PDZD2: variants seen among roughly 807,000 people sequenced by gnomAD.
PDZD2 encodes PDZ domain containing 2, also known as PDZ domain-containing protein 2.
PDZD2 carries 90 observed loss-of-function variants against 220.7 expected under a neutral mutation model. The observed-to-expected ratio is 0.41, with a 90% CI of 0.34 to 0.49. The LOEUF is 0.49. PDZD2 is among the 20% of genes least tolerant of loss of function. PDZD2 has a pLI of 0.28. For synonymous variants in PDZD2, 1,375 were observed against 1,450.5 expected (o/e 0.95, Z 1.18); for missense variants, 3,174 against 3,608.5 (o/e 0.88, Z 3.08).
intron 7 of PDZD2, among the ~76,000 whole-genome samples, chr5:32,041,261 C>T (rs1490323690): frequency 2.0e-5 from 3 of 149,950 alleles, no homozygotes; most frequent in African/African-American, 7.4e-5. Flanking sequence ...GCGAGGAGCG[C>T]CTCTGCCTGG....
chr5:32,038,601 C>T (rs1188855788), intron 7 of PDZD2, among the ~76,000 whole-genome samples: 4 of 151,428 alleles, frequency 2.6e-5, no homozygotes, highest in South Asian at 2.1e-4. Flanking sequence ...ATTACTATTA[C>T]GTTTATTTTT....
chr5:31,931,765 A>G lies in PDZD2; in HGVS notation c.477-51390A>G, dbSNP rs76294850. Among the ~76,000 whole-genome samples, 31 of 152,232 alleles carry G rather than the reference A, an allele frequency of 2.0e-4. No individual in the cohort carries two copies. In the East Asian group the frequency reaches 5.4e-3, roughly 27 times the overall value. On this transcript the variant is annotated intron_variant, in intron 2 of 24. Coordinates refer to ENST00000438447, the MANE Select transcript of PDZD2 (RefSeq NM_178140.4). ...TTATGGCTCATGGGACAGATTTGAC[A>G]GCTAAGAAACAGATCTGTATACAAT...
Position 32,000,586 on chromosome 5 carries a change from C to T in PDZD2, c.1254+315C>T, listed in dbSNP as rs1413813956. On this transcript the variant is annotated intron_variant, in intron 5 of 24. Coordinates refer to ENST00000438447, the MANE Select transcript of PDZD2 (RefSeq NM_178140.4). The surrounding 1 kb of genome is among the most constrained non-coding windows in gnomAD (Gnocchi z 4.5). Reference sequence around the variant, plus strand: ...AGTGCAATGGCGCAATCTCGGCTCACCGCAACCTCCACCTTCCGGATTCAA... The same window carrying T: ...AGTGCAATGGCGCAATCTCGGCTCATCGCAACCTCCACCTTCCGGATTCAA... Among the ~76,000 whole-genome samples, 1 of 152,162 alleles carries T rather than the reference C, an allele frequency of 6.6e-6. No individual in the cohort carries two copies. The highest frequency in any genetic ancestry group is 6.5e-5 in the Admixed American group (1 of 15,268).
At chr5:31,706,624 T>A (rs914318249) in intron 1 of PDZD2, among the ~76,000 whole-genome samples, 1 of 152,038 alleles carries the variant, frequency 6.6e-6, no homozygotes, top group African/African-American at 2.4e-5. Context: ...GGCAGGTGGA[T>A]CATGAGGTCA....
chr5:31,791,822 A>G (rs1753748309), intron 1 of PDZD2, among the ~76,000 whole-genome samples: 1 of 152,144 alleles, frequency 6.6e-6, no homozygotes, highest in Non-Finnish European at 1.5e-5. Context: ...CCTCCTGCTC[A>G]TCCAATTCCA....
intron 2 of PDZD2, among the ~76,000 whole-genome samples, chr5:31,910,680 C>T (rs1430914863): frequency 6.6e-6 from 1 of 151,410 alleles, no homozygotes; most frequent in African/African-American, 2.4e-5. Context: ...CATGAGCTAC[C>T]ACACCCAGCC....
chr5:31,661,830 A>G (rs914828307), intron 1 of PDZD2, among the ~76,000 whole-genome samples: 6 of 143,054 alleles, frequency 4.2e-5, no homozygotes, highest in African/African-American at 5.1e-5. Context: ...ATTCAGGGGC[A>G]AAAAGGTAAA....
chr5:31,947,317 G>C (rs145593056), intron 2 of PDZD2, among the ~76,000 whole-genome samples: 1 of 152,078 alleles, frequency 6.6e-6, no homozygotes, highest in Non-Finnish European at 1.5e-5. Flanking sequence ...ATGTATGCAG[G>C]GTACAGAAAC....
At chr5:31,939,525 G>A (rs1360767342) in intron 2 of PDZD2, among the ~76,000 whole-genome samples, 1 of 152,164 alleles carries the variant, frequency 6.6e-6, no homozygotes, top group Non-Finnish European at 1.5e-5. Context: ...CAGGCTGGAG[G>A]GTGAGTAACC....
chr5:32,069,596 A>T lies in PDZD2; in HGVS notation c.2479A>T (p.Ile827Leu). 3 of 1,600,232 alleles carry T rather than the reference A, an allele frequency of 1.9e-6. No individual in the cohort carries two copies. The highest frequency in any genetic ancestry group is 2.6e-6 in the Non-Finnish European group (3 of 1,167,238). The change falls in exon 15 of 25, where the codon ATA (isoleucine) becomes TTA (leucine). Residue 827 changes from isoleucine (I) to leucine (L), a missense_variant. Physicochemically the swap from Ile to Leu is conservative, Grantham distance 5. Coordinates refer to ENST00000438447, the MANE Select transcript of PDZD2 (RefSeq NM_178140.4). Reference sequence around the variant, plus strand: ...TTCCGAGCAGGAAATGGATGAAGTCATAGCACGCAGCACTTATCAGGAGAG... The same window carrying T: ...TTCCGAGCAGGAAATGGATGAAGTCTTAGCACGCAGCACTTATCAGGAGAG... The part of the protein sequence containing the change: ...KVSEQEMDEV[I>L]ARSTYQESKE...
At chr5:31,892,577 G>A (rs542589806) in intron 2 of PDZD2, among the ~76,000 whole-genome samples, 41 of 152,080 alleles carry the variant, frequency 2.7e-4, no homozygotes, top group Admixed American at 1.8e-3. Context: ...CTTTTGTGGC[G>A]GGGGTGGTGT....
intron 1 of PDZD2, among the ~76,000 whole-genome samples, chr5:31,726,741 C>T (rs1448503260): frequency 2.6e-5 from 4 of 152,186 alleles, no homozygotes; most frequent in African/African-American, 9.7e-5. Context: ...GACCTGTACA[C>T]TCCACTGTGT....
At chr5:31,889,605 G>C (rs534429858) in intron 2 of PDZD2, among the ~76,000 whole-genome samples, 24 of 152,306 alleles carry the variant, frequency 1.6e-4, no homozygotes, top group Admixed American at 3.3e-4. Flanking sequence ...TGGGAGCCAA[G>C]GGGGAAAAGC....
At chr5:32,025,591 CTTTT>C (rs70957998) in intron 6 of PDZD2, among the ~76,000 whole-genome samples, 28 of 67,516 alleles carry the variant, frequency 4.1e-4, no homozygotes, top group East Asian at 2.2e-3. Flanking sequence ...AACCATGATG[CTTTT>C]TTTTTTTTTT....
chr5:32,085,771 T>A (rs536828132), intron 19 of PDZD2, among the ~76,000 whole-genome samples: 3 of 152,274 alleles, frequency 2.0e-5, no homozygotes, highest in East Asian at 3.9e-4. Flanking sequence ...TTGTTGTTGT[T>A]TTGTTTTGTC....
Position 31,995,599 on chromosome 5 carries a change from G to A in PDZD2, c.1002G>A (p.Lys334=). 1 of 1,614,206 alleles carries A rather than the reference G, an allele frequency of 6.2e-7. No individual in the cohort carries two copies. Among genetic ancestry groups the A allele is most frequent in the Non-Finnish European group, 8.5e-7 (1 of 1,180,030 alleles). ...LAREEVGRIW[K]MELLKESDGL... ...AGGAGGAAGTTGGCCGAATATGGAA[G>A]ATGGAGCTGCTCAAAGAATCGGATG... The change falls in exon 4 of 25, where the codon AAG becomes AAA. Residue 334 remains lysine (K), a synonymous_variant. Transcript: ENST00000438447.
chr5:31,995,728 T>G lies in PDZD2; in HGVS notation c.1121+10T>G. The G allele has an allele frequency of 6.2e-7, 1 of 1,612,240 alleles. No individual in the cohort carries two copies. Among genetic ancestry groups the G allele is most frequent in the Non-Finnish European group, 8.5e-7 (1 of 1,179,482 alleles). On this transcript the variant is annotated intron_variant, in intron 4 of 24. Transcript: ENST00000438447. The stretch of plus-strand genomic sequence containing the variant: ...GAGGTGCCGCTCACAGGTGACTAGA[T>G]AACTCTCCCCTCTCCCCCATCCCTC...
chr5:31,739,960 C>G (rs1027991487), intron 1 of PDZD2, among the ~76,000 whole-genome samples: 2 of 152,212 alleles, frequency 1.3e-5, no homozygotes, highest in Admixed American at 6.5e-5. Context: ...TCAAAATACT[C>G]TCATAGTAAG....
chr5:31,818,315 T>G (rs181010510), intron 2 of PDZD2, among the ~76,000 whole-genome samples: 1 of 152,108 alleles, frequency 6.6e-6, no homozygotes, highest in Non-Finnish European at 1.5e-5. Context: ...AAATCAAAAT[T>G]TCGAAAGTAG....
Sources: gnomAD v4.1 joint callset for allele counts (sites outside exome capture counted in the v4.1 genomes callset) on GRCh38, gnomAD v4.1.1 for gene constraint, Gnocchi (gnomAD v3.1) non-coding constraint, MANE v1.5 for transcripts, NCBI Gene and HGNC (gene_info 2026-07-23, HGNC 2026-07-21) for gene names.